DGKB: variants seen among roughly 807,000 people sequenced by gnomAD.
DGKB encodes 90 kDa diacylglycerol kinase.
In DGKB, 67 loss-of-function variants were observed where a neutral mutation model predicts 114.3. The observed-to-expected ratio is 0.59, with a 90% CI of 0.48 to 0.72. The LOEUF (loss-of-function observed/expected upper bound fraction) is 0.72, where lower values mean the gene tolerates loss of function less well. Ranked by LOEUF, DGKB falls within the 30% of genes least tolerant of loss-of-function variation. The pLI is 0.00. For missense variants in DGKB, 907 were observed against 975.2 expected, an observed-to-expected ratio of 0.93 and a Z score of 0.93; for synonymous variants, 398 against 323.1, an observed-to-expected ratio of 1.23 and a Z score of -2.49.
Position 14,883,059 on chromosome 7 carries a change from C to A in DGKB, c.-188+19533G>T, listed in dbSNP as rs74658159. Among the ~76,000 whole-genome samples, 645 of 151,880 alleles carry A rather than the reference C, an allele frequency of 4.2e-3. 5 individuals are homozygous for A. The highest frequency in any genetic ancestry group is 0.015 in the African/African-American group (613 of 41,494). On this transcript the variant is annotated intron_variant, in intron 1 of 25. Transcript: ENST00000402815. The stretch of plus-strand genomic sequence containing the variant: ...TTTAAGAAGAATAGAAAAGTTGTGT[C>A]ATTTCTGATGACATGAAAGCATGCT...
At chr7:14,756,906 G>A (rs568897877) in intron 3 of DGKB, among the ~76,000 whole-genome samples, 2 of 151,986 alleles carry the variant, frequency 1.3e-5, no homozygotes, top group Middle Eastern at 3.4e-3. Context: ...AATGATGATC[G>A]AACATTTAAA....
intron 20 of DGKB, among the ~76,000 whole-genome samples, chr7:14,522,321 T>C (rs1406059617): frequency 6.6e-6 from 1 of 152,190 alleles, no homozygotes; most frequent in African/African-American, 2.4e-5. Context: ...TTCTCTGTTG[T>C]TCATGCACAT....
At chr7:14,400,013 CTAAAG>C (rs1176214433) in intron 21 of DGKB, among the ~76,000 whole-genome samples, 1 of 151,734 alleles carries the variant, frequency 6.6e-6, no homozygotes, top group Non-Finnish European at 1.5e-5. Context: ...AAAAGAAGTT[CTAAAG>C]TATTTAACAG....
At chr7:14,742,579 C>T (rs1378871948) in intron 4 of DGKB, among the ~76,000 whole-genome samples, 1 of 152,122 alleles carries the variant, frequency 6.6e-6, no homozygotes, top group Non-Finnish European at 1.5e-5. Context: ...GCTTCTTTGG[C>T]CTTAGAGAAC....
chr7:14,714,979 G>C (rs1827959545), intron 6 of DGKB, among the ~76,000 whole-genome samples: 4 of 152,178 alleles, frequency 2.6e-5, no homozygotes. Context: ...GTGAAGGAAT[G>C]TATGTGAACA....
chr7:14,285,205 T>G (rs1800684204), intron 23 of DGKB, among the ~76,000 whole-genome samples: 1 of 152,140 alleles, frequency 6.6e-6, no homozygotes. Flanking sequence ...ATAGGTATAC[T>G]CTGCCCTAGC....
At chr7:14,514,837 T>A (rs1788525975) in intron 20 of DGKB, among the ~76,000 whole-genome samples, 1 of 151,990 alleles carries the variant, frequency 6.6e-6, no homozygotes, top group African/African-American at 2.4e-5. Flanking sequence ...GAGGACTGCT[T>A]GAGCCCAGGA....
intron 23 of DGKB, among the ~76,000 whole-genome samples, chr7:14,193,176 G>GAAAAAAAAAAAA (rs34575063): frequency 7.0e-6 from 1 of 142,888 alleles, no homozygotes; most frequent in Non-Finnish European, 1.5e-5. Flanking sequence ...CAGAGAAATA[G>GAAAAAAAAAAAA]AAAAAAAAAA....
Position 14,318,875 on chromosome 7 carries a change from T to G in DGKB, c.2122+19640A>C, listed in dbSNP as rs192653589. On this transcript the variant is annotated intron_variant, in intron 23 of 25. Coordinates refer to ENST00000402815, the MANE Select transcript of DGKB (RefSeq NM_001350709.2). ...CGGCATTATTCACAATAGCAAAGAC[T>G]TGGAACCAACCCAAATGTCCCACAA... Among the ~76,000 whole-genome samples, 279 of 152,156 alleles carry G rather than the reference T, an allele frequency of 1.8e-3. 1 individual carries two copies. The highest frequency in any genetic ancestry group is 6.5e-3 in the African/African-American group (270 of 41,490).
Position 14,458,594 on chromosome 7 carries a change from G to A in DGKB, c.1835+19567C>T, listed in dbSNP as rs117788068. Among the ~76,000 whole-genome samples the A allele has an allele frequency of 7.2e-5, 11 of 152,274 alleles. No individual in the cohort carries two copies. The East Asian group carries it at 2.1e-3, about 30-fold the overall frequency. On this transcript the variant is annotated intron_variant, in intron 21 of 25. Coordinates refer to ENST00000402815, the MANE Select transcript of DGKB (RefSeq NM_001350709.2). Reference sequence around the variant, plus strand: ...CGTTGCCTCACCCAGGAAGCACAAGGGGTCAGAGAACTCCCTCCCATAGCC... The same window carrying A: ...CGTTGCCTCACCCAGGAAGCACAAGAGGTCAGAGAACTCCCTCCCATAGCC...
intron 23 of DGKB, among the ~76,000 whole-genome samples, chr7:14,274,356 T>C (rs1013437484): frequency 2.0e-5 from 3 of 152,134 alleles, no homozygotes; most frequent in African/African-American, 7.2e-5. Context: ...TGGCTGGAGT[T>C]TTCTTACTAA....
chr7:14,877,562 C>T (rs1276296937), intron 1 of DGKB, among the ~76,000 whole-genome samples: 1 of 151,950 alleles, frequency 6.6e-6, no homozygotes, highest in Non-Finnish European at 1.5e-5. Flanking sequence ...TCTCAAAAAA[C>T]AAAAAACAGA....
chr7:14,724,359 C>G (rs1829705744), intron 5 of DGKB, among the ~76,000 whole-genome samples: 1 of 151,994 alleles, frequency 6.6e-6, no homozygotes. Context: ...ATCTTTCATT[C>G]TTTATGTTTA....
chr7:14,333,851 C>G (rs904186216), intron 23 of DGKB, among the ~76,000 whole-genome samples: 4 of 152,106 alleles, frequency 2.6e-5, no homozygotes, highest in Non-Finnish European at 5.9e-5. Context: ...CTTGCTGTAT[C>G]ATTGAATTGA....
At chr7:14,684,478 T>G (rs552879139) in intron 10 of DGKB, among the ~76,000 whole-genome samples, 1 of 152,338 alleles carries the variant, frequency 6.6e-6, no homozygotes, top group Non-Finnish European at 1.5e-5. Context: ...CTACCCTTTT[T>G]TATCAGGACT....
intron 20 of DGKB, among the ~76,000 whole-genome samples, chr7:14,499,797 G>T (rs1395673097): frequency 6.6e-6 from 1 of 151,826 alleles, no homozygotes; most frequent in African/African-American, 2.4e-5. Flanking sequence ...GACAGAAATT[G>T]CTCAAAGCAT....
At chr7:14,364,397 G>GAAAAAA (rs61170373) in intron 21 of DGKB, among the ~76,000 whole-genome samples, 36 of 147,112 alleles carry the variant, frequency 2.4e-4, no homozygotes, top group Middle Eastern at 6.9e-3. Flanking sequence ...GAAAGCAAAG[G>GAAAAAA]AAAAAAAAAG....
intron 14 of DGKB, among the ~76,000 whole-genome samples, chr7:14,626,967 C>T (rs1009652865): frequency 8.6e-5 from 13 of 151,946 alleles, no homozygotes; most frequent in African/African-American, 2.9e-4. Context: ...TTTACCATTG[C>T]TATGTTACCA....
At chr7:14,150,984 G>A (rs1213828327) in intron 25 of DGKB, among the ~76,000 whole-genome samples, 1 of 151,984 alleles carries the variant, frequency 6.6e-6, no homozygotes, top group Non-Finnish European at 1.5e-5. Flanking sequence ...AAGATAAATT[G>A]AACAAGCACA....
Sources: gnomAD v4.1 joint callset for allele counts (sites outside exome capture counted in the v4.1 genomes callset) on GRCh38, gnomAD v4.1.1 for gene constraint, MANE v1.5 for transcripts, NCBI Gene and HGNC (gene_info 2026-07-23, HGNC 2026-07-21) for gene names.